PDSS1: variants seen among roughly 807,000 people sequenced by gnomAD.
PDSS1 encodes the protein decaprenyl diphosphate synthase subunit 1, also known as all trans-polyprenyl-diphosphate synthase PDSS1.
In PDSS1, 43 loss-of-function variants were observed where a neutral mutation model predicts 57.5. That is an observed-to-expected ratio of 0.75 (90% confidence interval 0.59 to 0.96). The LOEUF (loss-of-function observed/expected upper bound fraction) is 0.96, where lower values mean the gene tolerates loss of function less well. PDSS1 is among the 50% of genes least tolerant of loss of function. PDSS1 has a pLI of 0.00. For missense variants in PDSS1, 438 were observed against 527.8 expected, an observed-to-expected ratio of 0.83 and a Z score of 1.67; for synonymous variants, 175 against 191.3, an observed-to-expected ratio of 0.91 and a Z score of 0.70.
chr10:26,717,483 C>T (rs929500310), intron 5 of PDSS1, among the ~76,000 whole-genome samples: 21 of 152,358 alleles, frequency 1.4e-4, no homozygotes, highest in East Asian at 5.8e-4. Flanking sequence ...CCTCCCGCCT[C>T]GGCGTCCCAA....
chr10:26,723,286 C>T (rs1371064504), intron 6 of PDSS1, among the ~76,000 whole-genome samples: 1 of 152,108 alleles, frequency 6.6e-6, no homozygotes, highest in African/African-American at 2.4e-5. Context: ...ACTTTTTGAG[C>T]AGAAGGAACA....
intron 10 of PDSS1, among the ~76,000 whole-genome samples, chr10:26,739,710 A>G (rs1250622875): frequency 1.3e-5 from 2 of 152,200 alleles, no homozygotes; most frequent in African/African-American, 4.8e-5. Flanking sequence ...GGTATTAAAA[A>G]ACTAAAACAG....
intron 6 of PDSS1, 120 bp from the exon 7 acceptor site, chr10:26,723,686 A>G: frequency 2.6e-6 from 2 of 771,724 alleles, no homozygotes; most frequent in Admixed American, 1.8e-5. Flanking sequence ...AAGGTAAAAA[A>G]CCCTGCATCC....
chr10:26,724,668 C>G (rs1397003215), intron 8 of PDSS1, among the ~76,000 whole-genome samples: 1 of 152,128 alleles, frequency 6.6e-6, no homozygotes, highest in African/African-American at 2.4e-5. Flanking sequence ...ACCTCCACCT[C>G]CCAGGTTCAG....
intron 1 of PDSS1, among the ~76,000 whole-genome samples, chr10:26,700,041 G>T (rs1834997745): frequency 6.6e-6 from 1 of 152,194 alleles, no homozygotes; most frequent in Non-Finnish European, 1.5e-5. Flanking sequence ...CTCCACCAGA[G>T]CTCTACTACC....
intron 8 of PDSS1, among the ~76,000 whole-genome samples, chr10:26,727,423 T>C (rs1025965717): frequency 2.0e-5 from 3 of 151,832 alleles, no homozygotes; most frequent in African/African-American, 7.3e-5. Context: ...TATTACTTGA[T>C]TTTCAAAGCC....
At chr10:26,710,069 G>A (rs534689581) in intron 5 of PDSS1, among the ~76,000 whole-genome samples, 57 of 150,812 alleles carry the variant, frequency 3.8e-4, no homozygotes, top group South Asian at 6.3e-4. Flanking sequence ...CAGGAGAATC[G>A]TTTGAATCTG....
At chr10:26,717,211 C>T (rs1362050557) in intron 5 of PDSS1, among the ~76,000 whole-genome samples, 1 of 152,140 alleles carries the variant, frequency 6.6e-6, no homozygotes, top group Non-Finnish European at 1.5e-5. Context: ...TTTAGCCATG[C>T]AAAATGACAT....
rs115878745 is a variant in PDSS1, at chr10:26,723,695, C to T, written c.610-111C>T. On this transcript the variant is annotated intron_variant, in intron 6 of 11. Transcript: ENST00000376215. ...AAGAAGAAGGTAAAAAACCCTGCAT[C>T]CAAGATGAGCCCCCACTTCCACGAA... The T allele has an allele frequency of 5.6e-3, 4,430 of 792,244 alleles. 119 individuals carry two copies. The African/African-American group carries it at 0.062, about 11-fold the overall frequency. 49.1% of individuals were successfully genotyped at this position (792,244 alleles called of 1,614,324 possible). A position where few individuals can be genotyped will look rare whatever the true frequency, so the allele number is the denominator to read the frequency against.
At chr10:26,712,967 G>GTTTT (rs1163568548) in intron 5 of PDSS1, among the ~76,000 whole-genome samples, 1 of 85,198 alleles carries the variant, frequency 1.2e-5, no homozygotes, top group African/African-American at 3.7e-5. Context: ...TTGTTTTTTT[G>GTTTT]TTTTTTTTTT....
intron 5 of PDSS1, chr10:26,717,925 C>G (rs779487987): frequency 1.3e-5 from 2 of 152,016 alleles, no homozygotes; most frequent in Non-Finnish European, 2.9e-5. Flanking sequence ...GTAAATTTAC[C>G]TGAAAAATAT....
intron 5 of PDSS1, among the ~76,000 whole-genome samples, chr10:26,719,758 C>T (rs981100862): frequency 6.6e-6 from 1 of 152,012 alleles, no homozygotes; most frequent in East Asian, 1.9e-4. Flanking sequence ...AGAGCGAGAC[C>T]CTGTCTCAAA....
chr10:26,745,163 C>CA (rs543757858), intron 11 of PDSS1, among the ~76,000 whole-genome samples: 189 of 150,536 alleles, frequency 1.3e-3, no homozygotes, highest in Non-Finnish European at 2.4e-3. Context: ...GATTCCATCT[C>CA]AAAAAAAATT....
intron 2 of PDSS1, among the ~76,000 whole-genome samples, 156 bp from the exon 3 acceptor site, chr10:26,704,521 A>G (rs775559682): frequency 6.6e-6 from 1 of 152,190 alleles, no homozygotes; most frequent in East Asian, 1.9e-4. Flanking sequence ...TGTAATAACA[A>G]AAGGAAACTT....
intron 8 of PDSS1, among the ~76,000 whole-genome samples, chr10:26,724,764 G>T (rs1835899540): frequency 6.6e-6 from 1 of 152,042 alleles, no homozygotes; most frequent in African/African-American, 2.4e-5. Context: ...TTTTCATAGG[G>T]ATGGGGGTTT....
chr10:26,735,320 G>T lies in PDSS1; in HGVS notation c.912G>T (p.Gln304His). The T allele has an allele frequency of 6.2e-7, 1 of 1,602,442 alleles. No individual in the cohort carries two copies. The highest frequency in any genetic ancestry group is 1.7e-5 in the Admixed American group (1 of 60,008). Residue 304 changes from glutamine to histidine, a missense_variant and splice_region_variant, in exon 9 of 12, where the codon CAG becomes CAT. This residue lies in a region of PDSS1 where 284 missense variants were observed against 390.7 expected (regional missense o/e 0.73). Coordinates refer to ENST00000376215, the MANE Select transcript of PDSS1 (RefSeq NM_014317.5). ...GAAAAAATGTAGGAATAGCTTTTCA[G>T]GTTAGTATGCTTTTTATTTGTAAGA... ...QYGKNVGIAFQLIDDVLDFTS... is the reference protein window; with the variant it reads ...QYGKNVGIAFHLIDDVLDFTS...
chr10:26,700,318 CT>C (rs1835007745), intron 1 of PDSS1, among the ~76,000 whole-genome samples: 1 of 130,476 alleles, frequency 7.7e-6, no homozygotes, highest in African/African-American at 2.8e-5. Flanking sequence ...AGCACTTTCT[CT>C]TTAGCTGAGC....
rs1179518691 is a variant in PDSS1 at position 26,746,780 on chromosome 10, A to G, written c.*307A>G. The stretch of plus-strand genomic sequence containing the variant: ...TGTAAGGCCATTACACAAATAAATA[A>G]CCAATGTTAAAATTCAAATGGTTTG... On this transcript the variant is annotated 3_prime_UTR_variant, in exon 12 of 12. Coordinates refer to ENST00000376215, the MANE Select transcript of PDSS1 (RefSeq NM_014317.5). 5 of 411,528 alleles carry G rather than the reference A, an allele frequency of 1.2e-5. No individual in the cohort carries two copies. Among genetic ancestry groups the G allele is most frequent in the Non-Finnish European group, 2.3e-5 (5 of 220,766 alleles). The allele number at this position is 411,528 out of a possible 1,614,324, so 25.5% of individuals were successfully genotyped here.
Position 26,746,638 on chromosome 10 carries a change from G to GAA in PDSS1, c.*168_*169dup, listed in dbSNP as rs1300919493. The GAA allele has an allele frequency of 5.7e-6, 4 of 696,690 alleles. No homozygotes were observed. In the South Asian group the frequency reaches 7.0e-5, roughly 12 times the overall value. 43.2% of individuals were successfully genotyped at this position (696,690 alleles called of 1,614,324 possible). A position where few individuals can be genotyped will look rare whatever the true frequency, so the allele number is the denominator to read the frequency against. ...TTTTTTTATTGCAAAAGTTTTTTCA[G>GAA]AAAACTTTTTAAATGTAATTAATAA... On this transcript the variant is annotated 3_prime_UTR_variant, in exon 12 of 12. Coordinates refer to ENST00000376215, the MANE Select transcript of PDSS1 (RefSeq NM_014317.5).
Sources: allele counts gnomAD v4.1 joint callset (sites outside exome capture counted in the v4.1 genomes callset), GRCh38; gene constraint gnomAD v4.1.1; regional missense constraint gnomAD v4.1.1; transcripts MANE v1.5; gene names NCBI Gene and HGNC (gene_info 2026-07-23, HGNC 2026-07-21).